The following CIBAR1 variants were observed in gnomAD, a reference collection of about 807,000 sequenced individuals.
CIBAR1 encodes CBY1 interacting BAR domain containing 1.
CIBAR1 carries 25 observed loss-of-function variants against 44.0 expected under a neutral mutation model. The observed-to-expected ratio is 0.57, with a 90% confidence interval of 0.41 to 0.79. The LOEUF (loss-of-function observed/expected upper bound fraction) is 0.79. Among genes scored for constraint, CIBAR1 ranks in the 30% least tolerant of loss-of-function variants. CIBAR1 has a pLI of 0.00. For missense variants in CIBAR1, 278 were observed against 344.8 expected (o/e 0.81, Z 1.53); for synonymous variants, 115 against 119.0 (o/e 0.97, Z 0.22).
intron 8 of CIBAR1, among the ~76,000 whole-genome samples, chr8:93,727,689 C>A (rs781301177): frequency 9.8e-5 from 15 of 152,334 alleles, no homozygotes; most frequent in Non-Finnish European, 2.2e-4. Flanking sequence ...CAAATGTCCC[C>A]TGGGTTAGAT....
At position 93,731,234 on chromosome 8, in the gene CIBAR1, C is replaced by A. The variant is rs1455587092; in HGVS notation, c.*2937C>A. On this transcript the variant is annotated 3_prime_UTR_variant, in exon 9 of 9. Transcript: ENST00000518322. ...TCTACCACCACCATCCCACCTCAGC[C>A]CAGTTTGAAATGCAATTCCACAGTA... 1 of 152,206 alleles carries A rather than the reference C, an allele frequency of 6.6e-6. No homozygotes were observed. Among genetic ancestry groups the A allele is most frequent in the East Asian group, 1.9e-4 (1 of 5,200 alleles). The allele number at this position is 152,206 out of a possible 1,614,324, so 9.4% of individuals were successfully genotyped here.
At chr8:93,722,690 ACT>A (rs1161771307) in intron 7 of CIBAR1, among the ~76,000 whole-genome samples, 2 of 151,144 alleles carry the variant, frequency 1.3e-5, no homozygotes, top group Non-Finnish European at 2.9e-5. Flanking sequence ...ACAGGGTGAG[ACT>A]CTATCTCACA....
Position 93,709,864 on chromosome 8 carries a change from A to G in CIBAR1, c.532A>G (p.Lys178Glu). The change falls in exon 6 of 9, where the codon AAG (lysine) becomes GAG (glutamate). Residue 178 changes from lysine to glutamate, a missense_variant. Around this residue, in one of 3 missense-constraint regions of CIBAR1, gnomAD observed 183 missense variants for 218.6 expected, o/e 0.84. Transcript: ENST00000518322. ...TAACAACTTTGAAAGGCAGAAAATG[A>G]AGGATATAAAGGTAATAAAGTAACT... is the stretch of plus-strand genomic sequence containing the variant. ...TINNFERQKM[K>E]DIKTIFSEFI... The G allele has an allele frequency of 1.2e-6, 2 of 1,607,876 alleles. No individual in the cohort carries two copies. Among genetic ancestry groups the G allele is most frequent in the South Asian group, 2.2e-5 (2 of 90,422 alleles).
intron 7 of CIBAR1, among the ~76,000 whole-genome samples, chr8:93,725,002 G>C (rs1268128670): frequency 6.6e-6 from 1 of 152,060 alleles, no homozygotes; most frequent in Admixed American, 6.6e-5. Context: ...TTTTGAGACA[G>C]GGTCTCACTC....
chr8:93,703,559 C>G, intron 2 of CIBAR1, 61 bp from the exon 3 acceptor site: 1 of 1,001,798 alleles, frequency 1.0e-6, no homozygotes, highest in Non-Finnish European at 1.5e-6. Context: ...AGTGATTAGC[C>G]TTTTATTTAT....
In CIBAR1 at chr8:93,709,839, TAAC is replaced by T; in HGVS notation, c.511_513del (p.Asn171del). ...CAAGTCGTCATCTGGAGGAAACTATTAACAACTTTGAAAGGCAGAAAATGAAGG... is the reference window on the plus strand; with the variant it reads ...CAAGTCGTCATCTGGAGGAAACTATTAACTTTGAAAGGCAGAAAATGAAGG... On this transcript the variant is annotated inframe_deletion, in exon 6 of 9. Transcript: ENST00000518322. 1.9e-6 allele frequency: 3 copies of T among 1,612,886 alleles called. No individual in the cohort carries two copies. The highest frequency in any genetic ancestry group is 2.5e-6 in the Non-Finnish European group (3 of 1,179,606).
At chr8:93,725,919 A>G (rs1811474386) in intron 7 of CIBAR1, 1 of 155,802 alleles carries the variant, frequency 6.4e-6, no homozygotes, top group African/African-American at 2.4e-5. Context: ...AAGGAAAGAG[A>G]ACTGACAAGT....
Position 93,728,583 on chromosome 8 carries a change from A to C in CIBAR1, c.*286A>C, listed in dbSNP as rs962101626. On this transcript the variant is annotated 3_prime_UTR_variant, in exon 9 of 9. Coordinates refer to ENST00000518322, the MANE Select transcript of CIBAR1 (RefSeq NM_145269.5). ...ATATTAATGTACTATATCTACTTGA[A>C]GTTCCAATAGTACATTATGACAGAA... 4.7e-6 allele frequency: 1 copy of C among 212,856 alleles called. No homozygotes were observed. Among genetic ancestry groups the C allele is most frequent in the Non-Finnish European group, 9.2e-6 (1 of 108,324 alleles). The allele number at this position is 212,856 out of a possible 1,614,324, so 13.2% of individuals were successfully genotyped here. A position where few individuals can be genotyped will look rare whatever the true frequency, so the allele number is the denominator to read the frequency against.
At chr8:93,724,522 G>A (rs1344431496) in intron 7 of CIBAR1, 28 of 885,692 alleles carry the variant, frequency 3.2e-5, no homozygotes, top group Non-Finnish European at 4.3e-5. Context: ...ATGGAGTTTC[G>A]CCATGTTGCC....
chr8:93,704,698 T>C (rs1380279472), intron 3 of CIBAR1, among the ~76,000 whole-genome samples: 1 of 152,240 alleles, frequency 6.6e-6, no homozygotes, highest in Non-Finnish European at 1.5e-5. Context: ...TGCACTGAAA[T>C]TGTGTCATTA....
chr8:93,706,375 A>G (rs553962300), intron 4 of CIBAR1, among the ~76,000 whole-genome samples: 101 of 127,782 alleles, frequency 7.9e-4, no homozygotes, highest in African/African-American at 3.0e-3. Context: ...AAAATTTATG[A>G]CTGATAACTA....
chr8:93,704,251 TATATGA>T (rs1439018906), intron 3 of CIBAR1, among the ~76,000 whole-genome samples: 1 of 152,232 alleles, frequency 6.6e-6, no homozygotes, highest in Non-Finnish European at 1.5e-5. Flanking sequence ...ATTGCTTTAC[TATATGA>T]ATATAAGTTT....
intron 6 of CIBAR1, 125 bp from the exon 7 acceptor site, chr8:93,718,550 A>T: frequency 2.0e-6 from 1 of 496,932 alleles, no homozygotes; most frequent in South Asian, 5.0e-5. Context: ...TACTTTATTT[A>T]CCCTATAGAA....
chr8:93,713,221 T>TTTAGTA (rs1347131485), intron 6 of CIBAR1, among the ~76,000 whole-genome samples: 4 of 151,580 alleles, frequency 2.6e-5, no homozygotes, highest in Admixed American at 1.3e-4. Flanking sequence ...TTAGTAGAGA[T>TTTAGTA]GGGGTTTTAC....
At position 93,722,319 on chromosome 8, in the gene CIBAR1, G is replaced by A. The variant is rs551830035; in HGVS notation, c.657+3531G>A. Among the ~76,000 whole-genome samples the A allele has an allele frequency of 3.9e-5, 6 of 152,268 alleles. No homozygotes were observed. In the South Asian group the frequency reaches 8.3e-4, roughly 21 times the overall value. ...AGATAGTCCATGCTTTGTAAGAACCGCTGAGATTTATTCCAGCTGCAGCCA... is the reference window on the plus strand; with the variant it reads ...AGATAGTCCATGCTTTGTAAGAACCACTGAGATTTATTCCAGCTGCAGCCA... On this transcript the variant is annotated intron_variant, in intron 7 of 8. Transcript: ENST00000518322.
At chr8:93,715,427 T>C (rs898005402) in intron 6 of CIBAR1, 31 of 152,314 alleles carry the variant, frequency 2.0e-4, no homozygotes, top group Non-Finnish European at 2.8e-4. Context: ...ATAAAACTTA[T>C]CCATAAAATT....
Position 93,728,518 on chromosome 8 carries a change from G to T in CIBAR1, c.*221G>T, listed in dbSNP as rs975360025. ...CTAGTGTTACATGATTTTTGTGTAA[G>T]TGCCTTTTTTTTTAAAGATGGTGTA... On this transcript the variant is annotated 3_prime_UTR_variant, in exon 9 of 9. Transcript: ENST00000518322. The T allele has an allele frequency of 5.4e-6, 2 of 369,246 alleles. No homozygotes were observed. The highest frequency in any genetic ancestry group is 2.1e-5 in the African/African-American group (1 of 46,874). 22.9% of individuals were successfully genotyped at this position (369,246 alleles called of 1,614,324 possible).
intron 7 of CIBAR1, among the ~76,000 whole-genome samples, chr8:93,722,335 G>C (rs1205586584): frequency 6.6e-6 from 1 of 152,168 alleles, no homozygotes. Flanking sequence ...ATTTATTCCA[G>C]CTGCAGCCAG....
At chr8:93,702,120 A>G (rs1296014389) in intron 2 of CIBAR1, 2 of 295,896 alleles carry the variant, frequency 6.8e-6, no homozygotes, top group East Asian at 9.1e-5. Context: ...TTAACTTATC[A>G]GAAGTTGCCC....
Sources: gnomAD v4.1 joint callset for allele counts (sites outside exome capture counted in the v4.1 genomes callset) on GRCh38, gnomAD v4.1.1 for gene constraint, gnomAD v4.1.1 regional missense constraint, MANE v1.5 for transcripts, NCBI Gene and HGNC (gene_info 2026-07-23, HGNC 2026-07-21) for gene names.